Variants in PBX1 observed in about 807,000 individuals in gnomAD.
PBX1 encodes the protein PBX homeobox 1.
A neutral mutation model predicts 53.4 loss-of-function variants in PBX1; 6 were observed. The ratio of observed to expected loss-of-function variants is 0.11; its 90% CI spans 0.06 to 0.22. The LOEUF is 0.22. Ranked by LOEUF, PBX1 falls within the 10% of genes least tolerant of loss-of-function variation. The pLI, the probability that PBX1 is intolerant of heterozygous loss-of-function variation, is 1.00. For synonymous variants in PBX1, 204 were observed against 212.3 expected (o/e 0.96, Z 0.34); for missense variants, 251 against 551.4 (o/e 0.46, Z 5.46).
At chr1:164,804,026 A>G (rs10800050) in intron 4 of PBX1, among the ~76,000 whole-genome samples, 36,079 of 151,988 alleles carry the variant, frequency 0.24, 4,819 homozygotes, top group African/African-American at 0.35. Context: ...CTGTTATATG[A>G]TATATTATTG....
At chr1:164,701,904 C>T (rs1663143944) in intron 2 of PBX1, among the ~76,000 whole-genome samples, 1 of 152,170 alleles carries the variant, frequency 6.6e-6, no homozygotes, top group Non-Finnish European at 1.5e-5. Context: ...GACCCACAAC[C>T]TTTTGGTCTA....
chr1:164,801,032 A>C (rs985685088), intron 4 of PBX1, among the ~76,000 whole-genome samples: 1 of 152,162 alleles, frequency 6.6e-6, no homozygotes, highest in Non-Finnish European at 1.5e-5. Context: ...GGACCTCTTT[A>C]AAACGCCCTG....
intron 2 of PBX1, among the ~76,000 whole-genome samples, chr1:164,879,224 A>T (rs951123839): frequency 3.9e-5 from 5 of 127,948 alleles, no homozygotes; most frequent in African/African-American, 1.2e-4. Flanking sequence ...TCAGGTGAAC[A>T]AACATTTATT....
intron 2 of PBX1, among the ~76,000 whole-genome samples, chr1:164,705,825 A>G (rs759955681): frequency 1.3e-5 from 2 of 152,212 alleles, no homozygotes; most frequent in Non-Finnish European, 2.9e-5. Flanking sequence ...TTTTCATGGT[A>G]GATACATTTA....
chr1:164,618,302 G>GT (rs988096133), intron 2 of PBX1, among the ~76,000 whole-genome samples: 12 of 147,830 alleles, frequency 8.1e-5, no homozygotes, highest in Non-Finnish European at 1.5e-4. Context: ...CACGGCGGGG[G>GT]GGGGGGGGCA....
At chr1:164,655,925 T>C (rs1446223059) in intron 2 of PBX1, among the ~76,000 whole-genome samples, 5 of 152,108 alleles carry the variant, frequency 3.3e-5, no homozygotes, top group African/African-American at 1.2e-4. Flanking sequence ...TTAGTAGATA[T>C]ATGGAACAGG....
intron 2 of PBX1, among the ~76,000 whole-genome samples, chr1:164,700,219 G>T (rs958810582): frequency 6.6e-6 from 1 of 152,186 alleles, no homozygotes; most frequent in Non-Finnish European, 1.5e-5. Context: ...GGAAGCCAGC[G>T]TGTGTAGAGG....
chr1:164,737,205 T>C (rs2102154709), intron 2 of PBX1, among the ~76,000 whole-genome samples: 1 of 152,300 alleles, frequency 6.6e-6, no homozygotes, highest in Middle Eastern at 3.4e-3. Context: ...ACAAGCTTTT[T>C]AGTTCTTCGA....
At chr1:164,570,401 C>A (rs1185520154) in intron 2 of PBX1, among the ~76,000 whole-genome samples, 1 of 152,062 alleles carries the variant, frequency 6.6e-6, no homozygotes, top group Non-Finnish European at 1.5e-5. Flanking sequence ...ATGTTCCCCT[C>A]CCTGTGTCCA....
At chr1:164,679,824 A>T (rs116523194) in intron 2 of PBX1, among the ~76,000 whole-genome samples, 21 of 152,322 alleles carry the variant, frequency 1.4e-4, no homozygotes, top group Non-Finnish European at 3.1e-4. Context: ...TGAAATAGGT[A>T]CTTAGGACAA....
At chr1:164,698,966 C>T (rs909877883) in intron 2 of PBX1, among the ~76,000 whole-genome samples, 4 of 152,218 alleles carry the variant, frequency 2.6e-5, no homozygotes, top group Non-Finnish European at 5.9e-5. Context: ...TCTGGAACCA[C>T]AGCCCATGCT....
At chr1:164,749,968 C>T (rs80166563) in intron 2 of PBX1, among the ~76,000 whole-genome samples, 5,661 of 152,134 alleles carry the variant, frequency 0.037, 182 homozygotes, top group East Asian at 0.13. Flanking sequence ...GGCAAGGTGG[C>T]ACATGCCTAT....
chr1:164,596,233 A>G (rs1655747257), intron 2 of PBX1, among the ~76,000 whole-genome samples: 1 of 152,172 alleles, frequency 6.6e-6, no homozygotes, highest in Non-Finnish European at 1.5e-5. Flanking sequence ...AGGGTCTCAC[A>G]TTGACATACA....
At chr1:164,620,063 C>G (rs556605297) in intron 2 of PBX1, among the ~76,000 whole-genome samples, 50 of 152,174 alleles carry the variant, frequency 3.3e-4, no homozygotes, top group African/African-American at 1.2e-3. Flanking sequence ...CGTGGTAGCA[C>G]ACATCTGTAG....
intron 2 of PBX1, among the ~76,000 whole-genome samples, chr1:164,719,404 C>T (rs1390416802): frequency 6.6e-6 from 1 of 152,158 alleles, no homozygotes; most frequent in Non-Finnish European, 1.5e-5. Flanking sequence ...ACCTGGACAT[C>T]AGGAAGTGGT....
intron 2 of PBX1, among the ~76,000 whole-genome samples, chr1:164,880,743 G>C (rs562159160): frequency 6.6e-6 from 1 of 152,204 alleles, no homozygotes; most frequent in South Asian, 2.1e-4. Flanking sequence ...AAGCCCTCTA[G>C]TGTGTCTAGA....
At chr1:164,738,296 ACTCT>A (rs533614415) in intron 2 of PBX1, among the ~76,000 whole-genome samples, 86 of 151,996 alleles carry the variant, frequency 5.7e-4, no homozygotes, top group African/African-American at 1.9e-3. Context: ...TCATACGGTA[ACTCT>A]CTCTCTATTT....
In PBX1 at chr1:164,672,037, GTT is replaced by G. The variant is rs35765268; in HGVS notation, c.265+108738_265+108739del. 7.2e-3 allele frequency among the ~76,000 whole-genome samples: 1,019 copies of G among 142,160 alleles called. 7 individuals are homozygous for G. Among genetic ancestry groups the G allele is most frequent in the Non-Finnish European group, 0.01 (678 of 64,954 alleles). 93.3% of individuals were successfully genotyped at this position (142,160 alleles called of 152,430 possible). ...TCTTACTCTGGTTGTTTTTCTTTCT[GTT>G]TTTTTTTTTTTCCCCTTTTATTCCC... On this transcript the variant is annotated intron_variant, in intron 2 of 8. Coordinates refer to ENST00000420696, the MANE Select transcript of PBX1 (RefSeq NM_002585.4).
At chr1:164,652,622 C>T (rs1015088763) in intron 2 of PBX1, among the ~76,000 whole-genome samples, 1 of 152,098 alleles carries the variant, frequency 6.6e-6, no homozygotes, top group African/African-American at 2.4e-5. Flanking sequence ...CCTTATACCA[C>T]TAAACTTCCT....
Sources: allele counts gnomAD v4.1 joint callset (sites outside exome capture counted in the v4.1 genomes callset), GRCh38; gene constraint gnomAD v4.1.1; transcripts MANE v1.5; gene names NCBI Gene and HGNC (gene_info 2026-07-23, HGNC 2026-07-21).